Variants in CSMD1 observed in about 807,000 individuals in gnomAD.
The protein encoded by CSMD1 is CUB and sushi domain-containing protein 1.
CSMD1 carries 213 observed loss-of-function variants against 417.5 expected under a neutral mutation model. The ratio of observed to expected loss-of-function variants is 0.51; its 90% confidence interval spans 0.46 to 0.57. The LOEUF is 0.57. Ranked by LOEUF, CSMD1 falls within the 20% of genes least tolerant of loss-of-function variation. The pLI is 0.00. For missense variants in CSMD1, 6,923 were observed against 4,529.7 expected (o/e 1.53, Z -15.17); for synonymous variants, 2,862 against 1,736.8 (o/e 1.65, Z -16.11).
intron 3 of CSMD1, among the ~76,000 whole-genome samples, chr8:4,268,537 T>C (rs7004794): frequency 0.48 from 73,659 of 151,942 alleles, 19,073 homozygotes; most frequent in African/African-American, 0.67. Context: ...ATTTTTTAAA[T>C]TTTATTTCAC....
chr8:3,954,682 A>G (rs185756610), intron 5 of CSMD1, among the ~76,000 whole-genome samples: 1 of 151,728 alleles, frequency 6.6e-6, no homozygotes, highest in Non-Finnish European at 1.5e-5. Context: ...ACTTGTATAG[A>G]CTCCCCTCTT....
chr8:3,808,941 A>G (rs1485806429), intron 5 of CSMD1, among the ~76,000 whole-genome samples: 1 of 152,164 alleles, frequency 6.6e-6, no homozygotes, highest in Non-Finnish European at 1.5e-5. Context: ...AGTGCTATGT[A>G]GAGGGGTCGT....
At chr8:3,440,184 C>G (rs1008309086) in intron 12 of CSMD1, among the ~76,000 whole-genome samples, 2 of 152,136 alleles carry the variant, frequency 1.3e-5, no homozygotes, top group Non-Finnish European at 2.9e-5. Context: ...TTCATATCTA[C>G]AAAACATATT....
chr8:4,795,756 C>T (rs1311102373), intron 1 of CSMD1, among the ~76,000 whole-genome samples: 1 of 152,074 alleles, frequency 6.6e-6, no homozygotes, highest in African/African-American at 2.4e-5. Context: ...TCAGTTACCT[C>T]CGTACCTGTG....
At chr8:4,764,111 C>A (rs1382740841) in intron 1 of CSMD1, among the ~76,000 whole-genome samples, 2 of 152,188 alleles carry the variant, frequency 1.3e-5, no homozygotes, top group African/African-American at 4.8e-5. Flanking sequence ...GAGAGGTAAT[C>A]TACTTTATAT....
intron 3 of CSMD1, among the ~76,000 whole-genome samples, chr8:4,400,903 T>C (rs1329585728): frequency 1.3e-5 from 2 of 152,158 alleles, no homozygotes; most frequent in African/African-American, 2.4e-5. Context: ...ATCTTTTGTA[T>C]ATTGCAATGA....
At chr8:4,970,846 T>C (rs1228926490) in intron 1 of CSMD1, among the ~76,000 whole-genome samples, 2 of 152,002 alleles carry the variant, frequency 1.3e-5, no homozygotes, top group African/African-American at 4.8e-5. Flanking sequence ...CAAAGTATGG[T>C]AGATTTTGAA....
chr8:3,549,528 G>C (rs1033153543), intron 10 of CSMD1, among the ~76,000 whole-genome samples: 1 of 152,132 alleles, frequency 6.6e-6, no homozygotes, highest in Admixed American at 6.5e-5. Context: ...TCCTTTCTTG[G>C]ATGGATAAAT....
chr8:3,636,152 G>C (rs1797035436), intron 7 of CSMD1, among the ~76,000 whole-genome samples: 1 of 152,250 alleles, frequency 6.6e-6, no homozygotes, highest in African/African-American at 2.4e-5. Context: ...CTACAACACA[G>C]GGTCAGAATA....
At chr8:4,324,769 C>T (rs957213640) in intron 3 of CSMD1, among the ~76,000 whole-genome samples, 3 of 152,148 alleles carry the variant, frequency 2.0e-5, no homozygotes, top group East Asian at 3.8e-4. Flanking sequence ...GCCCCATAAA[C>T]AAACATCGAA....
intron 3 of CSMD1, among the ~76,000 whole-genome samples, chr8:4,356,355 T>A (rs1427914511): frequency 6.7e-6 from 1 of 148,288 alleles, no homozygotes; most frequent in East Asian, 2.0e-4. Context: ...CACACCAGTT[T>A]CTTTATCCAC....
rs537191395 is a variant in CSMD1, at chr8:4,053,425, G to A, written c.416-21326C>T. ...TTGGTGTGAATAGCTCCCACCACCT[G>A]CTTTTTATCATGGTCTCGGTGGGGA... On this transcript the variant is annotated intron_variant, in intron 3 of 69. Transcript: ENST00000635120. Among the ~76,000 whole-genome samples, 3 of 152,016 alleles carry A rather than the reference G, an allele frequency of 2.0e-5. No individual in the cohort carries two copies. The South Asian group carries it at 6.2e-4, about 32-fold the overall frequency.
chr8:3,272,248 C>A (rs551230526), intron 26 of CSMD1, among the ~76,000 whole-genome samples: 1 of 144,062 alleles, frequency 6.9e-6, no homozygotes, highest in Non-Finnish European at 1.5e-5. Flanking sequence ...TGTAGATATG[C>A]GGCGTTATTT....
chr8:3,234,089 G>T (rs1799012351), intron 26 of CSMD1, among the ~76,000 whole-genome samples: 1 of 152,150 alleles, frequency 6.6e-6, no homozygotes, highest in Non-Finnish European at 1.5e-5. Flanking sequence ...AAAGACCTTA[G>T]ATTTGCTTTC....
At chr8:3,415,163 A>C (rs1311603418) in intron 12 of CSMD1, among the ~76,000 whole-genome samples, 1 of 152,236 alleles carries the variant, frequency 6.6e-6, no homozygotes, top group Non-Finnish European at 1.5e-5. Context: ...TATATTGTTC[A>C]TCTACAGCAT....
intron 7 of CSMD1, among the ~76,000 whole-genome samples, chr8:3,688,044 G>C (rs6558811): frequency 0.29 from 44,152 of 152,056 alleles, 7,162 homozygotes; most frequent in South Asian, 0.41. Context: ...GGATTGCTTT[G>C]CTCACTGCAT....
rs1438577136 is a variant in CSMD1 at position 3,998,033 on chromosome 8, T to C, written c.688A>G (p.Asn230Asp). The C allele has an allele frequency of 6.9e-6, 11 of 1,604,150 alleles. No individual in the cohort carries two copies. The highest frequency in any genetic ancestry group is 9.4e-6 in the Non-Finnish European group (11 of 1,175,010). ...ATGGTCCAGGTGCAGTCCGCGTTGT[T>C]CTCGTACTCTGAAGGGAAGTGCGGG... is the stretch of plus-strand genomic sequence containing the variant. ...SSPHFPSEYE[N>D]NADCTWTILA... is the part of the protein sequence containing the mutation. The change falls in exon 5 of 70, where the codon AAC (asparagine) becomes GAC (aspartate). Residue 230 changes from asparagine to aspartate, a missense_variant. Physicochemically the swap from Asn to Asp is conservative, Grantham distance 23. Coordinates refer to ENST00000635120, the MANE Select transcript of CSMD1 (RefSeq NM_033225.6).
chr8:3,959,737 G>C (rs13264168), intron 5 of CSMD1, among the ~76,000 whole-genome samples: 1 of 152,102 alleles, frequency 6.6e-6, no homozygotes, highest in Admixed American at 6.6e-5. Flanking sequence ...AACTGCAGCG[G>C]GAACACACTC....
chr8:4,237,688 CT>C (rs561820958), intron 3 of CSMD1, among the ~76,000 whole-genome samples: 233 of 152,170 alleles, frequency 1.5e-3, no homozygotes, highest in Admixed American at 2.7e-3. Context: ...GCTAATTTTA[CT>C]TTTTGTAGAG....
Sources: gnomAD v4.1 joint callset for allele counts (sites outside exome capture counted in the v4.1 genomes callset) on GRCh38, gnomAD v4.1.1 for gene constraint, MANE v1.5 for transcripts, NCBI Gene and HGNC (gene_info 2026-07-23, HGNC 2026-07-21) for gene names.